TGFBRAP1: variants seen among roughly 807,000 people sequenced by gnomAD.
TGFBRAP1 encodes the protein transforming growth factor beta receptor associated protein 1.
In TGFBRAP1, 20 loss-of-function variants were observed where a neutral mutation model predicts 83.2. The observed-to-expected ratio is 0.24, with a 90% CI of 0.17 to 0.35. TGFBRAP1 has a LOEUF of 0.35. Among genes scored for constraint, TGFBRAP1 ranks in the 10% least tolerant of loss-of-function variants. TGFBRAP1 has a pLI of 1.00. For synonymous variants in TGFBRAP1, 415 were observed against 459.8 expected (o/e 0.90, Z 1.25); for missense variants, 950 against 1,099.4 (o/e 0.86, Z 1.92).
intron 1 of TGFBRAP1, among the ~76,000 whole-genome samples, chr2:105,310,392 T>A (rs564194983): frequency 6.6e-5 from 10 of 152,228 alleles, no homozygotes; most frequent in African/African-American, 2.4e-4. Flanking sequence ...ATGGGTAACC[T>A]GTTCACCTCC....
At chr2:105,282,879 A>G (rs1677591823) in intron 5 of TGFBRAP1, among the ~76,000 whole-genome samples, 1 of 152,092 alleles carries the variant, frequency 6.6e-6, no homozygotes, top group Admixed American at 6.5e-5. Context: ...TGGACCAAAG[A>G]CGAGCAGCAA....
At chr2:105,306,071 T>TTG (rs1678489430) in intron 2 of TGFBRAP1, among the ~76,000 whole-genome samples, 2 of 119,282 alleles carry the variant, frequency 1.7e-5, no homozygotes, top group Admixed American at 1.7e-4. Flanking sequence ...GTTTTTTGTT[T>TTG]TTTTTTTTTT....
At position 105,296,756 on chromosome 2, in the gene TGFBRAP1, C is replaced by CTTTTTTT. The variant is rs60031957; in HGVS notation, c.884-253_884-247dup. Among the ~76,000 whole-genome samples, 29 of 73,212 alleles carry CTTTTTTT rather than the reference C, an allele frequency of 4.0e-4. 2 individuals carry two copies. The highest frequency in any genetic ancestry group is 5.6e-4 in the Non-Finnish European group (22 of 38,966). 48.0% of individuals were successfully genotyped at this position (73,212 alleles called of 152,430 possible). On this transcript the variant is annotated intron_variant, in intron 3 of 11. Transcript: ENST00000393359. Reference sequence around the variant, plus strand: ...ATAATATCTTGCTTTCTTTTTTTGCCTTTTTTTTTTTTTTTTTTTTTTTTT... The same window carrying CTTTTTTT: ...ATAATATCTTGCTTTCTTTTTTTGCCTTTTTTTTTTTTTTTTTTTTTTTTTTTTTTTT...
chr2:105,304,730 C>T (rs1037357251), intron 2 of TGFBRAP1, among the ~76,000 whole-genome samples: 3 of 152,202 alleles, frequency 2.0e-5, no homozygotes, highest in Admixed American at 6.5e-5. Context: ...TTGCAGTGAG[C>T]CGAGATGGCA....
chr2:105,275,741 G>A (rs1274425364), intron 7 of TGFBRAP1, 38 bp from the exon 8 acceptor site: 2 of 1,572,832 alleles, frequency 1.3e-6, no homozygotes, highest in Non-Finnish European at 8.6e-7. Context: ...AAAAAGAAAA[G>A]AAAAAACAAT....
At chr2:105,258,730 TACACAC>T in the TGFBRAP1 span, among the ~76,000 whole-genome samples, 21,384 of 140,434 alleles carry the variant, frequency 0.15, 1,826 homozygotes, top group East Asian at 0.37. Context: ...TCCCCACCCC[TACACAC>T]ACACACACAC....
rs563154331 is a variant in TGFBRAP1 at position 105,264,892 on chromosome 2, C to A, written c.*2491G>T. On this transcript the variant is annotated 3_prime_UTR_variant, in exon 12 of 12. Transcript: ENST00000393359. The stretch of plus-strand genomic sequence containing the variant: ...ATGAGGGGAAAAAGGTCTGATGGAT[C>A]TAATTGCTCTATTCGATGGCACAGT... 7 of 152,334 alleles carry A rather than the reference C, an allele frequency of 4.6e-5. No homozygotes were observed. The South Asian group carries it at 1.4e-3, about 32-fold the overall frequency. The allele number at this position is 152,334 out of a possible 1,614,324, so 9.4% of individuals were successfully genotyped here.
intron 4 of TGFBRAP1, among the ~76,000 whole-genome samples, chr2:105,285,552 C>T (rs533201709): frequency 1.3e-5 from 2 of 152,342 alleles, no homozygotes; most frequent in South Asian, 2.1e-4. Flanking sequence ...TCCAGGTACA[C>T]AGCAGGCAGC....
At chr2:105,314,595 C>T (rs1482836995) in intron 1 of TGFBRAP1, among the ~76,000 whole-genome samples, 3 of 151,984 alleles carry the variant, frequency 2.0e-5, no homozygotes. Flanking sequence ...AATACACGAT[C>T]TCAGTTCAAC....
At chr2:105,272,812 A>G in intron 10 of TGFBRAP1, 43 bp downstream of exon 10, 1 of 1,602,178 alleles carries the variant, frequency 6.2e-7, no homozygotes, top group Non-Finnish European at 8.5e-7. Context: ...CCCGCTTGAT[A>G]TGAGTTTTTT....
intron 10 of TGFBRAP1, 82 bp downstream of exon 10, chr2:105,272,773 G>T: frequency 6.4e-7 from 1 of 1,553,256 alleles, no homozygotes; most frequent in Non-Finnish European, 8.7e-7. Context: ...CAGCAGCTGT[G>T]CCAAAGCCCT....
At chr2:105,315,356 G>A (rs1183816264) in intron 1 of TGFBRAP1, among the ~76,000 whole-genome samples, 1 of 152,036 alleles carries the variant, frequency 6.6e-6, no homozygotes, top group Non-Finnish European at 1.5e-5. Context: ...GAACAAAACT[G>A]AAGGACCTAC....
intron 5 of TGFBRAP1, among the ~76,000 whole-genome samples, chr2:105,281,589 C>T (rs1677540167): frequency 6.6e-6 from 1 of 152,220 alleles, no homozygotes; most frequent in Non-Finnish European, 1.5e-5. Context: ...CTCTCCTGAC[C>T]TCCAGTGATT....
At chr2:105,302,009 T>TAAAAAAAAAAAAAAAA (rs35548542) in intron 2 of TGFBRAP1, among the ~76,000 whole-genome samples, 3 of 75,110 alleles carry the variant, frequency 4.0e-5, no homozygotes, top group Non-Finnish European at 7.7e-5. Context: ...TAAAGAATAC[T>TAAAAAAAAAAAAAAAA]AAAAAAAAAA....
At chr2:105,315,569 C>T (rs1573216377) in intron 1 of TGFBRAP1, among the ~76,000 whole-genome samples, 1 of 152,144 alleles carries the variant, frequency 6.6e-6, no homozygotes, top group Non-Finnish European at 1.5e-5. Context: ...AAACACTTCA[C>T]AAAAGGCATA....
At chr2:105,268,107 A>C (rs1458972059) in intron 11 of TGFBRAP1, among the ~76,000 whole-genome samples, 1 of 152,214 alleles carries the variant, frequency 6.6e-6, no homozygotes, top group Non-Finnish European at 1.5e-5. Flanking sequence ...GATCAACAGG[A>C]CTTGAGTTCT....
intron 4 of TGFBRAP1, among the ~76,000 whole-genome samples, chr2:105,292,131 T>C (rs891005093): frequency 2.0e-5 from 3 of 152,200 alleles, no homozygotes; most frequent in African/African-American, 7.2e-5. Flanking sequence ...ATAGGACTGC[T>C]TTAGAAAACC....
chr2:105,315,424 C>T (rs1382961504), intron 1 of TGFBRAP1, among the ~76,000 whole-genome samples: 1 of 152,040 alleles, frequency 6.6e-6, no homozygotes, highest in African/African-American at 2.4e-5. Flanking sequence ...GAGGATAGAC[C>T]AACAGGTCAA....
the TGFBRAP1 span, among the ~76,000 whole-genome samples, chr2:105,254,130 C>G: frequency 6.6e-6 from 1 of 151,944 alleles, no homozygotes; most frequent in Non-Finnish European, 1.5e-5. Flanking sequence ...ATTTTTCTGC[C>G]TAGCTGCTGA....
Sources: gnomAD v4.1 joint callset for allele counts (sites outside exome capture counted in the v4.1 genomes callset) on GRCh38, gnomAD v4.1.1 for gene constraint, MANE v1.5 for transcripts, NCBI Gene and HGNC (gene_info 2026-07-23, HGNC 2026-07-21) for gene names.